NALCN: variants seen among roughly 807,000 people sequenced by gnomAD.
NALCN encodes sodium leak channel, non-selective, also known as sodium leak channel NALCN.
NALCN carries 111 observed loss-of-function variants against 225.3 expected under a neutral mutation model. The ratio of observed to expected loss-of-function variants is 0.49; its 90% CI spans 0.42 to 0.58. The LOEUF is 0.58. Among genes scored for constraint, NALCN ranks in the 20% least tolerant of loss-of-function variants. NALCN has a pLI of 0.00. For synonymous variants in NALCN, 764 were observed against 769.0 expected (o/e 0.99, Z 0.11); for missense variants, 1,378 against 2,202.4 (o/e 0.63, Z 7.49).
chr13:101,107,546 G>C lies in NALCN; in HGVS notation c.2520C>G (p.Val840=). The C allele has an allele frequency of 1.9e-6, 3 of 1,614,104 alleles. No homozygotes were observed. Among genetic ancestry groups the C allele is most frequent in the Non-Finnish European group, 1.7e-6 (2 of 1,179,982 alleles). ...HPYFDKPLFI[V]GREHRFRNFC... The stretch of plus-strand genomic sequence containing the variant: ...AGTTTCTGAACCTGTGTTCTCGCCC[G>C]ACAATGAACAGTGGCTTATCGAAGT... The change falls in exon 22 of 44, where the codon GTC becomes GTG. Residue 840 remains valine (V), a synonymous_variant. Transcript: ENST00000251127.
At chr13:101,373,146 T>C in intron 6 of NALCN, 1 of 297,714 alleles carries the variant, frequency 3.4e-6, no homozygotes, top group Non-Finnish European at 6.6e-6. Context: ...AGATAACAAC[T>C]CCATAGCTCT....
intron 18 of NALCN, among the ~76,000 whole-genome samples, chr13:101,121,944 A>C (rs2035996981): frequency 7.4e-6 from 1 of 134,316 alleles, no homozygotes; most frequent in Non-Finnish European, 1.5e-5. Flanking sequence ...AGGTTACTGC[A>C]AATGTTTTCC....
intron 11 of NALCN, among the ~76,000 whole-genome samples, chr13:101,242,995 T>C (rs1248671043): frequency 9.5e-6 from 1 of 105,332 alleles, no homozygotes; most frequent in Admixed American, 8.9e-5. Context: ...TACTTCTTTA[T>C]GCTTGCAACC....
chr13:101,396,741 A>G (rs2047304159), intron 2 of NALCN, among the ~76,000 whole-genome samples: 1 of 152,120 alleles, frequency 6.6e-6, no homozygotes, highest in African/African-American at 2.4e-5. Flanking sequence ...TAATTATACA[A>G]AAGAGCTTCC....
chr13:101,074,681 A>C lies in NALCN; in HGVS notation c.3955-19T>G. The C allele has an allele frequency of 2.5e-6, 4 of 1,589,156 alleles. No individual in the cohort carries two copies. The highest frequency in any genetic ancestry group is 3.4e-6 in the Non-Finnish European group (4 of 1,170,972). ...GCGTTACCTGGGGACCAGGGGTGGG[A>C]AGCGGGGAGACAGAGAGAGAGAGAG... is the stretch of plus-strand genomic sequence containing the variant. On this transcript the variant is annotated intron_variant, in intron 35 of 43. Transcript: ENST00000251127.
chr13:101,279,803 C>T (rs1481955058), intron 10 of NALCN, among the ~76,000 whole-genome samples: 2 of 143,172 alleles, frequency 1.4e-5, no homozygotes, highest in Non-Finnish European at 3.0e-5. Flanking sequence ...GGCGACAGAG[C>T]GAGACTCCGT....
intron 7 of NALCN, among the ~76,000 whole-genome samples, chr13:101,334,376 A>ACATACATTCAAGAAGAGAAT (rs2045293259): frequency 1.3e-5 from 1 of 76,132 alleles, no homozygotes; most frequent in African/African-American, 7.7e-5. Flanking sequence ...GGGGAGCGGT[A>ACATACATTCAAGAAGAGAAT]GGAGAGAGGC....
intron 7 of NALCN, among the ~76,000 whole-genome samples, chr13:101,302,051 T>C (rs2043992048): frequency 6.6e-6 from 1 of 152,214 alleles, no homozygotes; most frequent in South Asian, 2.1e-4. Flanking sequence ...AAGGAAATCT[T>C]TTCAAAGGAA....
rs17678889 is a variant in NALCN at position 101,283,828 on chromosome 13, T to C, written c.1134+105A>G. On this transcript the variant is annotated intron_variant, in intron 10 of 43. Transcript: ENST00000251127. The stretch of plus-strand genomic sequence containing the variant: ...AATACCATCTCTAACTTCAGGATTT[T>C]AAATTTGGACAAATCTAGAGCTTAA... The C allele has an allele frequency of 3.3e-4, 327 of 989,716 alleles. 3 individuals carry two copies. The East Asian group carries it at 8.7e-3, about 26-fold the overall frequency. 61.3% of individuals were successfully genotyped at this position (989,716 alleles called of 1,614,324 possible). A position where few individuals can be genotyped will look rare whatever the true frequency, so the allele number is the denominator to read the frequency against.
chr13:101,134,940 G>A (rs551184765), intron 17 of NALCN, among the ~76,000 whole-genome samples: 66 of 152,270 alleles, frequency 4.3e-4, no homozygotes, highest in African/African-American at 1.4e-3. Flanking sequence ...CACGCCTGTA[G>A]TCCCAGCACT....
intron 14 of NALCN, chr13:101,181,112 A>G (rs35423049): frequency 3.3e-5 from 17 of 518,846 alleles, no homozygotes; most frequent in Non-Finnish European, 6.2e-5. Flanking sequence ...AGATTGTGAG[A>G]CAATGACAGA....
At chr13:101,304,675 C>T (rs941104408) in intron 7 of NALCN, among the ~76,000 whole-genome samples, 2 of 151,946 alleles carry the variant, frequency 1.3e-5, no homozygotes, top group African/African-American at 2.4e-5. Flanking sequence ...TGAGCTCAAG[C>T]GGTCCACCCA....
intron 9 of NALCN, among the ~76,000 whole-genome samples, chr13:101,288,043 T>A (rs1247108783): frequency 1.3e-5 from 2 of 152,152 alleles, no homozygotes. Flanking sequence ...AAATTTATGG[T>A]TTTTCAAAAA....
At chr13:101,073,086 C>G (rs751336221) in intron 37 of NALCN, among the ~76,000 whole-genome samples, 1 of 152,160 alleles carries the variant, frequency 6.6e-6, no homozygotes, top group Non-Finnish European at 1.5e-5. Flanking sequence ...CCTGTTTAAA[C>G]TGAGACCAGA....
At chr13:101,132,994 A>G (rs372911896) in intron 17 of NALCN, among the ~76,000 whole-genome samples, 1 of 152,074 alleles carries the variant, frequency 6.6e-6, no homozygotes, top group African/African-American at 2.4e-5. Flanking sequence ...ACATTTCCTA[A>G]CTCATTAAAG....
chr13:101,089,547 AC>A lies in NALCN; in HGVS notation c.3489+115del. On this transcript the variant is annotated intron_variant, in intron 30 of 43. Coordinates refer to ENST00000251127, the MANE Select transcript of NALCN (RefSeq NM_052867.4). The surrounding 1 kb of genome is among the most constrained non-coding windows in gnomAD (Gnocchi z 4.7). The stretch of plus-strand genomic sequence containing the variant: ...TAAAACAGTTATAGAGATTATTTAC[AC>A]CAGTCACATTACAGTTTAAAGCGGC... 4 of 796,998 alleles carry A rather than the reference AC, an allele frequency of 5.0e-6. No individual in the cohort carries two copies. The Admixed American group carries it at 1.1e-4, about 21-fold the overall frequency. The allele number at this position is 796,998 out of a possible 1,614,324, so 49.4% of individuals were successfully genotyped here.
intron 15 of NALCN, among the ~76,000 whole-genome samples, chr13:101,147,995 A>C (rs935096018): frequency 6.6e-6 from 1 of 152,174 alleles, no homozygotes; most frequent in African/African-American, 2.4e-5. Context: ...TTTCTCTGAC[A>C]AAGTTTTCCT....
At chr13:101,276,598 T>C (rs1395199630) in intron 10 of NALCN, among the ~76,000 whole-genome samples, 1 of 152,224 alleles carries the variant, frequency 6.6e-6, no homozygotes, top group African/African-American at 2.4e-5. Flanking sequence ...CCTATTCTAA[T>C]TATAATTATA....
At chr13:101,354,509 G>C (rs1228209558) in intron 6 of NALCN, among the ~76,000 whole-genome samples, 1 of 152,150 alleles carries the variant, frequency 6.6e-6, no homozygotes, top group Non-Finnish European at 1.5e-5. Context: ...TTTTGCCTTA[G>C]GAACTGGAAA....
Sources: allele counts gnomAD v4.1 joint callset (sites outside exome capture counted in the v4.1 genomes callset), GRCh38; gene constraint gnomAD v4.1.1; non-coding constraint Gnocchi (gnomAD v3.1); transcripts MANE v1.5; gene names NCBI Gene and HGNC (gene_info 2026-07-23, HGNC 2026-07-21).